MAP3K20: variants seen among roughly 807,000 people sequenced by gnomAD.
MAP3K20 encodes the protein mitogen-activated protein kinase kinase kinase 20, also known as HCCS-4.
MAP3K20 carries 40 observed loss-of-function variants against 85.7 expected under a neutral mutation model. That is an observed-to-expected ratio of 0.47 (90% confidence interval 0.36 to 0.61). The LOEUF is 0.61. MAP3K20 is among the 20% of genes least tolerant of loss of function. The probability of loss-of-function intolerance (pLI) is 0.00; values close to 1 mark genes in which losing one functional copy is unlikely to be tolerated. For synonymous variants in MAP3K20, 325 were observed against 327.7 expected, an observed-to-expected ratio of 0.99 and a Z score of 0.09; for missense variants, 817 against 961.7, an observed-to-expected ratio of 0.85 and a Z score of 1.99.
chr2:173,196,935 AACTG>A (rs1367391380), intron 7 of MAP3K20, among the ~76,000 whole-genome samples: 1 of 146,252 alleles, frequency 6.8e-6, no homozygotes, highest in Non-Finnish European at 1.5e-5. Context: ...GTCACTGGAT[AACTG>A]ACTGTCTTTG....
At chr2:173,083,361 AT>A (rs527936811) in intron 1 of MAP3K20, among the ~76,000 whole-genome samples, 11 of 150,328 alleles carry the variant, frequency 7.3e-5, no homozygotes, top group South Asian at 2.1e-4. Context: ...TTTATTTTTT[AT>A]TTTTTTTTTT....
At chr2:173,083,113 T>C (rs1687055202) in intron 1 of MAP3K20, among the ~76,000 whole-genome samples, 1 of 152,230 alleles carries the variant, frequency 6.6e-6, no homozygotes, top group African/African-American at 2.4e-5. Flanking sequence ...TACTTTTATA[T>C]GGTAAAGATA....
chr2:173,196,643 G>C (rs1047818175), intron 7 of MAP3K20, among the ~76,000 whole-genome samples: 2 of 152,162 alleles, frequency 1.3e-5, no homozygotes, highest in Non-Finnish European at 2.9e-5. Flanking sequence ...ACTGAGCACT[G>C]GCTGAGGAAA....
intron 16 of MAP3K20, among the ~76,000 whole-genome samples, chr2:173,241,489 T>C (rs1188667217): frequency 1.3e-5 from 2 of 152,038 alleles, no homozygotes; most frequent in Non-Finnish European, 1.5e-5. Flanking sequence ...CGTGTAAGCC[T>C]GTAGTCCTAG....
intron 7 of MAP3K20, among the ~76,000 whole-genome samples, chr2:173,192,637 T>G (rs1690692199): frequency 6.6e-6 from 1 of 152,166 alleles, no homozygotes; most frequent in Non-Finnish European, 1.5e-5. Context: ...ATAAAACTGG[T>G]CTCCTATGTC....
At chr2:173,262,316 T>C (rs1685314712) in intron 18 of MAP3K20, among the ~76,000 whole-genome samples, 1 of 152,138 alleles carries the variant, frequency 6.6e-6, no homozygotes, top group Admixed American at 6.6e-5. Flanking sequence ...ATACAAACCC[T>C]GGGCCAGGCA....
intron 2 of MAP3K20, among the ~76,000 whole-genome samples, chr2:173,133,995 A>AAT (rs1245327108): frequency 1.0e-5 from 1 of 99,238 alleles, no homozygotes; most frequent in Admixed American, 1.1e-4. Flanking sequence ...CATCTCAAAA[A>AAT]ACAAAAAACA....
chr2:173,196,728 A>AGAAAT (rs748243804), intron 7 of MAP3K20, among the ~76,000 whole-genome samples: 6 of 152,196 alleles, frequency 3.9e-5, no homozygotes, highest in Non-Finnish European at 7.3e-5. Flanking sequence ...CGTTCCTATT[A>AGAAAT]GAAATGAGCT....
At chr2:173,226,341 A>G (rs1381351652) in intron 11 of MAP3K20, 1 of 984,432 alleles carries the variant, frequency 1.0e-6, no homozygotes, top group Middle Eastern at 5.2e-4. Flanking sequence ...ACTTTAAAAA[A>G]TTATTGTACT....
chr2:173,179,506 G>A (rs1275756900), intron 3 of MAP3K20, among the ~76,000 whole-genome samples: 1 of 151,886 alleles, frequency 6.6e-6, no homozygotes, highest in Non-Finnish European at 1.5e-5. Flanking sequence ...CTTATTCCAC[G>A]GTGAAAAGCT....
rs1331962215 is a variant in MAP3K20, at chr2:173,239,340, ATCT to A, written c.1267-59_1267-57del. On this transcript the variant is annotated intron_variant, in intron 15 of 19. Transcript: ENST00000375213. ...AAAAAAAAACTAGTGCCAAGATATC[ATCT>A]TCTTTACATGAGAAGTAAAAACAAC... 3.7e-6 allele frequency: 5 copies of A among 1,359,040 alleles called. No homozygotes were observed. The African/African-American group carries it at 5.9e-5, about 16-fold the overall frequency. 84.2% of individuals were successfully genotyped at this position (1,359,040 alleles called of 1,614,324 possible).
chr2:173,244,419 G>T (rs1057414795), intron 16 of MAP3K20, among the ~76,000 whole-genome samples: 2 of 152,156 alleles, frequency 1.3e-5, no homozygotes, highest in African/African-American at 2.4e-5. Flanking sequence ...AAGAGCTCAG[G>T]TATTCAATAA....
chr2:173,261,185 A>G, intron 18 of MAP3K20, 48 bp downstream of exon 18: 1 of 1,568,824 alleles, frequency 6.4e-7, no homozygotes, highest in East Asian at 2.2e-5. Context: ...CAGTTAATGA[A>G]TATAAATTTA....
intron 16 of MAP3K20, among the ~76,000 whole-genome samples, chr2:173,251,272 C>G (rs746356605): frequency 6.6e-6 from 1 of 152,118 alleles, no homozygotes; most frequent in Non-Finnish European, 1.5e-5. Context: ...TCAAGACAGG[C>G]CTTTTTTGCT....
rs753352140 is a variant in MAP3K20 at position 173,239,406 on chromosome 2, CTCA to C, written c.1270_1272del (p.Ser424del). Reference sequence around the variant, plus strand: ...TGGTGCTTGGTTTCCTGTTTTAGGACTCAGGAGGTGAACCTGAAGAAAATGAGG... The same window carrying C: ...TGGTGCTTGGTTTCCTGTTTTAGGACGGAGGTGAACCTGAAGAAAATGAGG... On this transcript the variant is annotated inframe_deletion, in exon 16 of 20. Coordinates refer to ENST00000375213, the MANE Select transcript of MAP3K20 (RefSeq NM_016653.3). 5.0e-6 allele frequency: 8 copies of C among 1,610,722 alleles called. No homozygotes were observed. In the Admixed American group the frequency reaches 8.4e-5, roughly 17 times the overall value.
intron 2 of MAP3K20, among the ~76,000 whole-genome samples, chr2:173,159,047 T>C (rs1689564138): frequency 6.6e-6 from 1 of 152,262 alleles, no homozygotes; most frequent in Non-Finnish European, 1.5e-5. Flanking sequence ...CAAGTCATTT[T>C]GTAGGAAGGA....
chr2:173,146,631 G>T (rs1344916982), intron 2 of MAP3K20, among the ~76,000 whole-genome samples: 11 of 152,070 alleles, frequency 7.2e-5, no homozygotes, highest in African/African-American at 2.4e-4. Context: ...GCCTATTCTG[G>T]ACATTTCATA....
At chr2:173,077,892 G>T (rs1323230724) in intron 1 of MAP3K20, among the ~76,000 whole-genome samples, 1 of 152,250 alleles carries the variant, frequency 6.6e-6, no homozygotes, top group Non-Finnish European at 1.5e-5. Flanking sequence ...AGGAAACTTG[G>T]CAAGTTGCAC....
chr2:173,157,240 A>G (rs540339209), intron 2 of MAP3K20, among the ~76,000 whole-genome samples: 1 of 152,094 alleles, frequency 6.6e-6, no homozygotes, highest in Non-Finnish European at 1.5e-5. Flanking sequence ...AAAGAAAAAG[A>G]CTGAAAGACT....
Sources: allele counts gnomAD v4.1 joint callset (sites outside exome capture counted in the v4.1 genomes callset), GRCh38; gene constraint gnomAD v4.1.1; transcripts MANE v1.5; gene names NCBI Gene and HGNC (gene_info 2026-07-23, HGNC 2026-07-21).